The following PDE7A variants were observed in gnomAD, a reference collection of about 807,000 sequenced individuals.
PDE7A encodes the protein high affinity 3',5'-cyclic-AMP phosphodiesterase 7A.
A neutral mutation model predicts 64.3 loss-of-function variants in PDE7A; 39 were observed. The ratio of observed to expected loss-of-function variants is 0.61; its 90% CI spans 0.47 to 0.79. PDE7A has a LOEUF of 0.79. Ranked by LOEUF, PDE7A falls within the 30% of genes least tolerant of loss-of-function variation. The pLI is 0.00. For missense variants in PDE7A, 470 were observed against 582.8 expected (o/e 0.81, Z 1.99); for synonymous variants, 203 against 206.8 (o/e 0.98, Z 0.16).
chr8:65,771,430 T>A (rs1277228920), intron 3 of PDE7A, among the ~76,000 whole-genome samples: 1 of 152,096 alleles, frequency 6.6e-6, no homozygotes, highest in Non-Finnish European at 1.5e-5. Flanking sequence ...AATTAAAAAA[T>A]TATGAATAGT....
chr8:65,754,744 A>T (rs1463561701), intron 3 of PDE7A, among the ~76,000 whole-genome samples: 1 of 150,376 alleles, frequency 6.6e-6, no homozygotes, highest in Non-Finnish European at 1.5e-5. Flanking sequence ...AGGCGAGTGG[A>T]TCACGAGGTC....
At chr8:65,817,629 T>A (rs927473747) in intron 1 of PDE7A, among the ~76,000 whole-genome samples, 1 of 152,218 alleles carries the variant, frequency 6.6e-6, no homozygotes, top group Non-Finnish European at 1.5e-5. Flanking sequence ...GGTGCTCTTA[T>A]GGAATAAGCC....
At chr8:65,817,897 C>G (rs1269976420) in intron 1 of PDE7A, among the ~76,000 whole-genome samples, 1 of 151,880 alleles carries the variant, frequency 6.6e-6, no homozygotes, top group Admixed American at 6.6e-5. Flanking sequence ...GGATTACAGG[C>G]GCCTGCCACT....
intron 1 of PDE7A, among the ~76,000 whole-genome samples, chr8:65,827,922 A>T (rs1297285071): frequency 1.3e-5 from 2 of 152,050 alleles, no homozygotes; most frequent in Non-Finnish European, 2.9e-5. Flanking sequence ...AACAGACTAT[A>T]CCTCTGAACA....
chr8:65,753,937 A>AC (rs989867226), intron 3 of PDE7A, among the ~76,000 whole-genome samples: 1 of 151,736 alleles, frequency 6.6e-6, no homozygotes, highest in African/African-American at 2.4e-5. Context: ...TAATATAGTC[A>AC]CCCCAGATCT....
rs1450598531 is a variant in PDE7A at position 65,716,135 on chromosome 8, C to G, written c.*3155G>C. Among the ~76,000 whole-genome samples, 1 of 139,414 alleles carries G rather than the reference C, an allele frequency of 7.2e-6. No individual in the cohort carries two copies. The allele number at this position is 139,414 out of a possible 152,430, so 91.5% of individuals were successfully genotyped here. A position where few individuals can be genotyped will look rare whatever the true frequency, so the allele number is the denominator to read the frequency against. On this transcript the variant is annotated 3_prime_UTR_variant, in exon 13 of 13. Transcript: ENST00000401827. ...CACTGCACTCCAGCCTAGTTAGCAG[C>G]GAGACCCTGTCTCAAAAAAAAAAAA...
At chr8:65,751,030 T>C (rs1340733185) in intron 3 of PDE7A, among the ~76,000 whole-genome samples, 2 of 152,148 alleles carry the variant, frequency 1.3e-5, no homozygotes, top group African/African-American at 4.8e-5. Flanking sequence ...ACCACCCTTA[T>C]CAATTACTGA....
intron 1 of PDE7A, among the ~76,000 whole-genome samples, chr8:65,810,080 A>C (rs183922266): frequency 6.6e-6 from 1 of 152,326 alleles, no homozygotes; most frequent in Admixed American, 6.5e-5. Context: ...GACAATAGCA[A>C]AGACTTGGAA....
intron 4 of PDE7A, among the ~76,000 whole-genome samples, chr8:65,746,609 A>C (rs1807688069): frequency 6.6e-6 from 1 of 152,162 alleles, no homozygotes; most frequent in Non-Finnish European, 1.5e-5. Context: ...AAAAAAACTT[A>C]TATTTTATAT....
At chr8:65,788,328 T>C (rs1049632541) in intron 1 of PDE7A, among the ~76,000 whole-genome samples, 33 of 152,344 alleles carry the variant, frequency 2.2e-4, no homozygotes, top group African/African-American at 7.9e-4. Context: ...TTCTCAAGCC[T>C]GACATTTAGA....
chr8:65,728,216 C>T (rs1032209286), intron 7 of PDE7A: 1 of 152,088 alleles, frequency 6.6e-6, no homozygotes, highest in African/African-American at 2.4e-5. Context: ...TGAGCATACA[C>T]CACTTATATT....
At chr8:65,795,564 C>A (rs1809817058) in intron 1 of PDE7A, among the ~76,000 whole-genome samples, 1 of 152,118 alleles carries the variant, frequency 6.6e-6, no homozygotes, top group Non-Finnish European at 1.5e-5. Flanking sequence ...TTCCAACCAA[C>A]CACAGAGAAG....
intron 7 of PDE7A, 85 bp from the exon 8 acceptor site, chr8:65,727,386 A>G (rs1806655040): frequency 1.9e-6 from 3 of 1,556,210 alleles, no homozygotes; most frequent in Middle Eastern, 1.9e-4. Context: ...TTAGCAGCCA[A>G]TGGTAGTGGT....
chr8:65,730,202 T>TG (rs1806813467), intron 7 of PDE7A, among the ~76,000 whole-genome samples: 2 of 132,294 alleles, frequency 1.5e-5, no homozygotes, highest in African/African-American at 5.9e-5. Context: ...TTTTTTGAGA[T>TG]GGAGTTTCGC....
At chr8:65,832,736 C>A (rs1318255812) in intron 1 of PDE7A, among the ~76,000 whole-genome samples, 2 of 152,160 alleles carry the variant, frequency 1.3e-5, no homozygotes, top group African/African-American at 4.8e-5. Context: ...AACCCTCCCA[C>A]CTAAGCCTCA....
intron 1 of PDE7A, among the ~76,000 whole-genome samples, chr8:65,833,721 T>C (rs985519095): frequency 4.6e-5 from 7 of 152,234 alleles, no homozygotes; most frequent in Admixed American, 1.3e-4. Context: ...CCCAGCACTT[T>C]GGGAGGCCAA....
intron 1 of PDE7A, among the ~76,000 whole-genome samples, chr8:65,822,427 A>C: frequency 6.6e-6 from 1 of 152,256 alleles, no homozygotes; most frequent in East Asian, 1.9e-4. Flanking sequence ...TGGGTAGAGC[A>C]GACAGCTGGA....
Position 65,717,199 on chromosome 8 carries a change from T to C in PDE7A, c.*2091A>G, listed in dbSNP as rs1434450243. 6.6e-6 allele frequency among the ~76,000 whole-genome samples: 1 copy of C among 152,230 alleles called. No individual in the cohort carries two copies. The highest frequency in any genetic ancestry group is 1.5e-5 in the Non-Finnish European group (1 of 68,040). ...TTCTGTTTCTATTGGACATCAACAC[T>C]CTTCTGTACAAATAATATGTTAATG... is the stretch of plus-strand genomic sequence containing the variant. On this transcript the variant is annotated 3_prime_UTR_variant, in exon 13 of 13. Transcript: ENST00000401827.
intron 3 of PDE7A, among the ~76,000 whole-genome samples, chr8:65,755,143 C>T (rs1191771671): frequency 2.7e-5 from 4 of 150,786 alleles, no homozygotes; most frequent in Admixed American, 6.6e-5. Flanking sequence ...GCCTCAGCCT[C>T]CCAAGTAGCT....
Sources: gnomAD v4.1 joint callset for allele counts (sites outside exome capture counted in the v4.1 genomes callset) on GRCh38, gnomAD v4.1.1 for gene constraint, MANE v1.5 for transcripts, NCBI Gene and HGNC (gene_info 2026-07-23, HGNC 2026-07-21) for gene names.